The following GRIP1 variants were observed in gnomAD, a reference collection of about 807,000 sequenced individuals.
GRIP1 encodes the protein glutamate receptor interacting protein 1.
GRIP1 carries 45 observed loss-of-function variants against 129.9 expected under a neutral mutation model. That is an observed-to-expected ratio of 0.35 (90% CI 0.27 to 0.44). The LOEUF (loss-of-function observed/expected upper bound fraction) is 0.44. Ranked by LOEUF, GRIP1 falls within the 20% of genes least tolerant of loss-of-function variation. GRIP1 has a pLI of 1.00. For missense variants in GRIP1, 1,196 were observed against 1,396.8 expected, an observed-to-expected ratio of 0.86 and a Z score of 2.29; for synonymous variants, 530 against 520.8, an observed-to-expected ratio of 1.02 and a Z score of -0.24.
At chr12:66,991,055 C>T (rs1262755599) in intron 1 of GRIP1, among the ~76,000 whole-genome samples, 2 of 150,956 alleles carry the variant, frequency 1.3e-5, no homozygotes, top group South Asian at 4.2e-4. Context: ...AGGCGGATCA[C>T]GAGGTCAGGA....
intron 1 of GRIP1, among the ~76,000 whole-genome samples, chr12:66,775,636 C>T (rs1454867371): frequency 6.6e-6 from 1 of 151,976 alleles, no homozygotes; most frequent in Non-Finnish European, 1.5e-5. Context: ...TAGCCTGTAA[C>T]TGGACAGAGA....
intron 1 of GRIP1, among the ~76,000 whole-genome samples, chr12:66,776,625 A>G (rs1216240217): frequency 6.6e-6 from 1 of 152,224 alleles, no homozygotes; most frequent in East Asian, 1.9e-4. Flanking sequence ...AATACAGAGC[A>G]ATATTTGCTA....
At chr12:66,439,803 GTTC>G (rs1351039221) in intron 13 of GRIP1, among the ~76,000 whole-genome samples, 9 of 152,074 alleles carry the variant, frequency 5.9e-5, no homozygotes, top group Non-Finnish European at 1.5e-5. Context: ...TCCCTGACTA[GTTC>G]TTCTGTTGAA....
chr12:66,440,699 G>A (rs1235499416), intron 13 of GRIP1, among the ~76,000 whole-genome samples: 3 of 151,912 alleles, frequency 2.0e-5, no homozygotes, highest in Non-Finnish European at 2.9e-5. Context: ...ATTCATGTCA[G>A]GCCCCAAACA....
At chr12:66,629,773 C>T (rs2030537784) in intron 1 of GRIP1, among the ~76,000 whole-genome samples, 1 of 152,208 alleles carries the variant, frequency 6.6e-6, no homozygotes, top group Non-Finnish European at 1.5e-5. Context: ...ATAGAGCCTT[C>T]ATTTGAAAGA....
chr12:66,821,292 T>C (rs901559149), intron 1 of GRIP1, among the ~76,000 whole-genome samples: 10 of 152,232 alleles, frequency 6.6e-5, no homozygotes, highest in Admixed American at 3.9e-4. Context: ...CATTGTTTTT[T>C]AGATTTACCA....
rs1235599700 is a variant in GRIP1, at chr12:67,045,591, G to A, written c.58+23459C>T. 2.6e-5 allele frequency among the ~76,000 whole-genome samples: 4 copies of A among 152,258 alleles called. No individual in the cohort carries two copies. In the East Asian group the frequency reaches 7.7e-4, roughly 29 times the overall value. On this transcript the variant is annotated intron_variant, in intron 1 of 1. Coordinates refer to the GRIP1 transcript ENST00000643019. ...CTGAGGAAGGCAAATGATACACTGGGAGTAAATACCTGAGTAAGCCAGTGT... is the reference window on the plus strand; with the variant it reads ...CTGAGGAAGGCAAATGATACACTGGAAGTAAATACCTGAGTAAGCCAGTGT...
At chr12:66,539,345 CA>C in intron 3 of GRIP1, 122 bp from the exon 4 acceptor site, 1 of 1,286,278 alleles carries the variant, frequency 7.8e-7, no homozygotes, top group South Asian at 1.2e-5. Flanking sequence ...AGGCTGACAG[CA>C]GAAGTCCCTG....
At chr12:66,543,775 C>A (rs1477956958) in intron 2 of GRIP1, among the ~76,000 whole-genome samples, 1 of 152,268 alleles carries the variant, frequency 6.6e-6, no homozygotes, top group East Asian at 1.9e-4. Context: ...AGATTCTCTG[C>A]ATCTTCTTTA....
At chr12:66,389,118 G>A (rs1458879966) in intron 19 of GRIP1, among the ~76,000 whole-genome samples, 1 of 152,220 alleles carries the variant, frequency 6.6e-6, no homozygotes, top group Non-Finnish European at 1.5e-5. Context: ...CTGGAACAAG[G>A]CAGAGAGCCT....
chr12:66,735,935 G>T (rs2036580885), intron 1 of GRIP1, among the ~76,000 whole-genome samples: 1 of 152,080 alleles, frequency 6.6e-6, no homozygotes, highest in Non-Finnish European at 1.5e-5. Context: ...GATGGCCCTT[G>T]GGATATCATG....
chr12:66,785,343 C>CATACATATATATATAT (rs377630345), intron 1 of GRIP1, among the ~76,000 whole-genome samples: 1,542 of 72,636 alleles, frequency 0.021, 46 homozygotes, highest in Middle Eastern at 0.034. Context: ...TACATACATA[C>CATACATATATATATAT]ATATATATAT....
At chr12:66,420,584 C>A in intron 15 of GRIP1, 136 bp downstream of exon 15, 1 of 692,536 alleles carries the variant, frequency 1.4e-6, no homozygotes, top group South Asian at 1.5e-5. Context: ...CAAATATGAT[C>A]AATTAATAGT....
intron 2 of GRIP1, among the ~76,000 whole-genome samples, chr12:66,578,951 C>T (rs530809571): frequency 4.6e-5 from 7 of 152,332 alleles, no homozygotes; most frequent in African/African-American, 1.7e-4. Flanking sequence ...GGGCAGACTG[C>T]CTCCTCAAGT....
intron 1 of GRIP1, among the ~76,000 whole-genome samples, chr12:66,775,043 T>G (rs922554339): frequency 6.6e-6 from 1 of 152,106 alleles, no homozygotes; most frequent in Non-Finnish European, 1.5e-5. Flanking sequence ...GGAGGTAAAT[T>G]AACATATTGA....
At chr12:67,001,877 T>C (rs1414640611) in intron 1 of GRIP1, among the ~76,000 whole-genome samples, 3 of 152,158 alleles carry the variant, frequency 2.0e-5, no homozygotes, top group Admixed American at 6.6e-5. Context: ...TTCATGAGCA[T>C]GTCCAGCATA....
chr12:66,777,703 C>G (rs995720034), intron 1 of GRIP1, among the ~76,000 whole-genome samples: 1 of 152,148 alleles, frequency 6.6e-6, no homozygotes, highest in East Asian at 1.9e-4. Context: ...TGTACACATA[C>G]ATGCAGATGC....
chr12:66,942,715 G>A (rs1366348010), intron 1 of GRIP1, among the ~76,000 whole-genome samples: 2 of 152,172 alleles, frequency 1.3e-5, no homozygotes, highest in African/African-American at 4.8e-5. Flanking sequence ...CAGTGTAATG[G>A]ACTGCATGTT....
chr12:66,881,011 T>G (rs1235408082), intron 1 of GRIP1, among the ~76,000 whole-genome samples: 8 of 151,772 alleles, frequency 5.3e-5, no homozygotes, highest in African/African-American at 7.3e-5. Flanking sequence ...TTTTTTCCTC[T>G]CTTTCAAATA....
Sources: gnomAD v4.1 joint callset for allele counts (sites outside exome capture counted in the v4.1 genomes callset) on GRCh38, gnomAD v4.1.1 for gene constraint, MANE v1.5 for transcripts, NCBI Gene and HGNC (gene_info 2026-07-23, HGNC 2026-07-21) for gene names.